The following UNC79 variants were observed in gnomAD, a reference collection of about 807,000 sequenced individuals.
The protein encoded by UNC79 is unc-79 subunit of NALCN channel complex.
Under a neutral mutation model 283.1 loss-of-function variants are expected in UNC79, and 37 were observed. The observed-to-expected ratio is 0.13, with a 90% CI of 0.10 to 0.17. The LOEUF (loss-of-function observed/expected upper bound fraction) is 0.17. UNC79 is among the 10% of genes least tolerant of loss of function. The pLI is 1.00. For synonymous variants in UNC79, 1,107 were observed against 1,200.2 expected, an observed-to-expected ratio of 0.92 and a Z score of 1.61; for missense variants, 2,272 against 3,211.1, an observed-to-expected ratio of 0.71 and a Z score of 7.07.
intron 41 of UNC79, among the ~76,000 whole-genome samples, chr14:93,680,130 T>C (rs2073722161): frequency 1.3e-5 from 2 of 152,236 alleles, no homozygotes; most frequent in South Asian, 2.1e-4. Flanking sequence ...TTTTGATTAA[T>C]TCTGACTAGT....
chr14:93,489,677 T>C (rs546686924), intron 5 of UNC79, among the ~76,000 whole-genome samples: 2 of 152,222 alleles, frequency 1.3e-5, no homozygotes, highest in Admixed American at 1.3e-4. Context: ...TCCAAACCCA[T>C]TGGGGTAAGA....
chr14:93,572,113 T>G, intron 15 of UNC79, 29 bp downstream of exon 15: 1 of 1,606,706 alleles, frequency 6.2e-7, no homozygotes, highest in Non-Finnish European at 8.5e-7. Context: ...GAAGTCACTG[T>G]AATTATAATC....
chr14:93,584,283 T>C (rs1444321233), intron 20 of UNC79, among the ~76,000 whole-genome samples: 1 of 152,226 alleles, frequency 6.6e-6, no homozygotes, highest in Non-Finnish European at 1.5e-5. Context: ...TTATACTTCA[T>C]ATTTCACATG....
Position 93,621,557 on chromosome 14 carries a change from G to A in UNC79, c.4388-64G>A. On this transcript the variant is annotated intron_variant, in intron 29 of 48. Coordinates refer to ENST00000555664, the Ensembl canonical transcript of UNC79. This position sits in a 1 kb window ranked among gnomAD's most constrained non-coding sequence, Gnocchi z 4.8. ...GATTTATGCCAATTGTATGCCCAAGGATGAGGGGAAAAAATGGTGAAATCT... is the reference window on the plus strand; with the variant it reads ...GATTTATGCCAATTGTATGCCCAAGAATGAGGGGAAAAAATGGTGAAATCT... The A allele has an allele frequency of 6.7e-7, 1 of 1,489,542 alleles. No homozygotes were observed. Among genetic ancestry groups the A allele is most frequent in the Non-Finnish European group, 8.9e-7 (1 of 1,121,176 alleles). The allele number at this position is 1,489,542 out of a possible 1,614,324, so 92.3% of individuals were successfully genotyped here.
At chr14:93,671,369 A>G (rs893427642) in intron 40 of UNC79, among the ~76,000 whole-genome samples, 1 of 152,200 alleles carries the variant, frequency 6.6e-6, no homozygotes, top group Non-Finnish European at 1.5e-5. Flanking sequence ...AGCACTGTAT[A>G]GGTAGCTTCA....
chr14:93,569,471 T>C (rs541456073), intron 14 of UNC79, among the ~76,000 whole-genome samples: 1 of 152,290 alleles, frequency 6.6e-6, no homozygotes, highest in African/African-American at 2.4e-5. Context: ...AAGAGATTGC[T>C]GTCAGGTTCT....
At chr14:93,524,494 A>T (rs1388612383) in intron 8 of UNC79, among the ~76,000 whole-genome samples, 1 of 152,202 alleles carries the variant, frequency 6.6e-6, no homozygotes, top group East Asian at 1.9e-4. Context: ...AAATGACTGA[A>T]AGGTGTCTGG....
chr14:93,612,598 T>C (rs1040596611), intron 26 of UNC79, among the ~76,000 whole-genome samples, 199 bp from the exon 28 acceptor site: 3 of 152,242 alleles, frequency 2.0e-5, no homozygotes, highest in African/African-American at 4.8e-5. Flanking sequence ...TGGTTGTTGA[T>C]GAATACAATA....
chr14:93,380,059 C>T, intron 1 of UNC79, among the ~76,000 whole-genome samples: 1 of 152,038 alleles, frequency 6.6e-6, no homozygotes, highest in East Asian at 1.9e-4. Context: ...AATTTAACTT[C>T]ACAGGGTTGA....
exon 29 of UNC79, chr14:93,618,318 A>G (rs747757633): frequency 1.2e-6 from 2 of 1,613,922 alleles, no homozygotes; most frequent in South Asian, 1.1e-5. Context: ...GTACAGTGAC[A>G]ACAGTAACAT....
intron 14 of UNC79, among the ~76,000 whole-genome samples, chr14:93,551,939 G>T (rs1175503812): frequency 6.6e-6 from 1 of 152,228 alleles, no homozygotes; most frequent in Non-Finnish European, 1.5e-5. Context: ...ATCTCTCACT[G>T]ACTGTTCTAG....
intron 7 of UNC79, among the ~76,000 whole-genome samples, chr14:93,503,239 G>GT (rs1010765435): frequency 2.0e-5 from 3 of 152,114 alleles, no homozygotes; most frequent in Admixed American, 6.5e-5. Context: ...ACTGTACTTT[G>GT]TTTTTTTATT....
chr14:93,454,931 A>G (rs2056753974), intron 1 of UNC79, among the ~76,000 whole-genome samples: 1 of 152,154 alleles, frequency 6.6e-6, no homozygotes, highest in Non-Finnish European at 1.5e-5. Flanking sequence ...GGCCATACAA[A>G]TGTAATGGAT....
chr14:93,673,651 T>G (rs2073083261), intron 41 of UNC79, among the ~76,000 whole-genome samples, 196 bp downstream of exon 44: 1 of 151,240 alleles, frequency 6.6e-6, no homozygotes. Flanking sequence ...CAAGAAGGAG[T>G]ATTGATTTTG....
intron 38 of UNC79, among the ~76,000 whole-genome samples, chr14:93,657,596 C>G (rs2071091396): frequency 1.3e-5 from 2 of 152,126 alleles, no homozygotes; most frequent in African/African-American, 4.8e-5. Context: ...TGTGGTCCTC[C>G]TGCCTCGGCC....
intron 1 of UNC79, among the ~76,000 whole-genome samples, chr14:93,346,894 G>A (rs1344677215): frequency 4.6e-5 from 7 of 152,028 alleles, no homozygotes; most frequent in Non-Finnish European, 8.8e-5. Flanking sequence ...AATGAGGGCT[G>A]GGAGGTTGCA....
chr14:93,683,971 TG>T lies in UNC79; in HGVS notation c.6819+1278del, dbSNP rs1370596269. Among the ~76,000 whole-genome samples, 3 of 152,178 alleles carry T rather than the reference TG, an allele frequency of 2.0e-5. No individual in the cohort carries two copies. In the East Asian group the frequency reaches 5.8e-4, roughly 29 times the overall value. The stretch of plus-strand genomic sequence containing the variant: ...TTCATGAAACTACTACTGTGATCTA[TG>T]CCATGAACATATCCATCATCTCCAA... On this transcript the variant is annotated intron_variant, in intron 42 of 48. Transcript: ENST00000555664.
At chr14:93,408,802 G>T (rs77431981) in intron 1 of UNC79, among the ~76,000 whole-genome samples, 4,905 of 152,292 alleles carry the variant, frequency 0.032, 123 homozygotes, top group Non-Finnish European at 0.048. Flanking sequence ...AAAACTTGGT[G>T]TATGTGATGT....
chr14:93,643,823 A>G (rs1316813691), intron 34 of UNC79, 126 bp downstream of exon 37: 4 of 1,376,624 alleles, frequency 2.9e-6, no homozygotes, highest in Admixed American at 2.3e-5. Flanking sequence ...TTGTGACATC[A>G]ACTCAGACTA....
Sources: gnomAD v4.1 joint callset for allele counts (sites outside exome capture counted in the v4.1 genomes callset) on GRCh38, gnomAD v4.1.1 for gene constraint, Gnocchi (gnomAD v3.1) non-coding constraint, MANE v1.5 for transcripts, NCBI Gene and HGNC (gene_info 2026-07-23, HGNC 2026-07-21) for gene names.